SRPX2: variants seen among roughly 807,000 people sequenced by gnomAD.
SRPX2 encodes the protein sushi repeat containing protein X-linked 2, also known as sushi repeat-containing protein SRPX2.
In SRPX2, 26 loss-of-function variants were observed where a neutral mutation model predicts 45.3. The observed-to-expected ratio is 0.57, with a 90% confidence interval of 0.42 to 0.80. The LOEUF is 0.80. Among genes scored for constraint, SRPX2 ranks in the 30% least tolerant of loss-of-function variants. The pLI is 0.00. For synonymous variants in SRPX2, 125 were observed against 143.7 expected, an observed-to-expected ratio of 0.87 and a Z score of 0.93; for missense variants, 355 against 399.8, an observed-to-expected ratio of 0.89 and a Z score of 0.95.
In SRPX2 at chrX:100,665,278, C is replaced by G. The variant is rs771790252; in HGVS notation, c.568C>G (p.Arg190Gly). Residue 190 changes from arginine to glycine, a missense_variant, in exon 6 of 11, where the codon CGT (arginine) becomes GGT (glycine). Physicochemically the swap from Arg to Gly is moderately radical, Grantham distance 125. Transcript: ENST00000373004. ...DPPKIRCPHS[R>G]EKMAEPEKLT... is the part of the protein sequence containing the mutation. ...CCCCAAGATCCGCTGTCCCCACTCA[C>G]GTGAGAAGATGGCAGAGCCAGAGAA... The G allele has an allele frequency of 8.3e-7, 1 of 1,210,427 alleles. No individual in the cohort carries two copies. Among genetic ancestry groups the G allele is most frequent in the Non-Finnish European group, 1.1e-6 (1 of 894,871 alleles).
intron 3 of SRPX2, among the ~76,000 whole-genome samples, chrX:100,652,061 G>A (rs781713281): frequency 8.9e-6 from 1 of 112,018 alleles, no homozygotes; most frequent in South Asian, 3.7e-4. Flanking sequence ...TTTTTGCACA[G>A]AGGCATGACA....
At chrX:100,659,806 T>TTA (rs1241102827) in intron 3 of SRPX2, among the ~76,000 whole-genome samples, 3 of 105,294 alleles carry the variant, frequency 2.8e-5, no homozygotes, top group Non-Finnish European at 5.9e-5. Context: ...GCTTTTTTTT[T>TTA]TTCCCCCTTA....
chrX:100,671,297 G>C lies in SRPX2; in HGVS notation c.*310G>C. On this transcript the variant is annotated 3_prime_UTR_variant, in exon 11 of 11. Transcript: ENST00000373004. ...AAAAGTAAATCCTAAATTCAGTGATGAACTGGCTGTTTTAACTGGTTCCTC... is the reference window on the plus strand; with the variant it reads ...AAAAGTAAATCCTAAATTCAGTGATCAACTGGCTGTTTTAACTGGTTCCTC... 3.0e-6 allele frequency: 1 copy of C among 335,150 alleles called. No individual in the cohort carries two copies. Among genetic ancestry groups the C allele is most frequent in the Non-Finnish European group, 5.3e-6 (1 of 187,475 alleles). 27.6% of individuals were successfully genotyped at this position (335,150 alleles called of 1,213,427 possible). A position where few individuals can be genotyped will look rare whatever the true frequency, so the allele number is the denominator to read the frequency against.
rs1485490332 is a variant in SRPX2 at position 100,662,217 on chromosome X, G to A, written c.205G>A (p.Ala69Thr). The change falls in exon 4 of 11, where the codon GCC (alanine) becomes ACC (threonine). Residue 69 changes from alanine (A) to threonine (T), a missense_variant. Ala to Thr is a moderately conservative substitution (Grantham distance 58). Coordinates refer to ENST00000373004, the MANE Select transcript of SRPX2 (RefSeq NM_014467.3). ...CYTLNIQDGE[A>T]TCYSPKGGNY... ...TACATTAAATATCCAGGATGGAGAAGCCACATGCTACTCACCGAAGGGAGG... is the reference window on the plus strand; with the variant it reads ...TACATTAAATATCCAGGATGGAGAAACCACATGCTACTCACCGAAGGGAGG... The A allele has an allele frequency of 2.5e-6, 3 of 1,211,681 alleles. No individual in the cohort carries two copies. Among genetic ancestry groups the A allele is most frequent in the Non-Finnish European group, 3.3e-6 (3 of 895,578 alleles).
At chrX:100,665,836 T>G (rs1316672783) in intron 7 of SRPX2, among the ~76,000 whole-genome samples, 179 bp downstream of exon 7, 4 of 112,152 alleles carry the variant, frequency 3.6e-5, no homozygotes, top group Non-Finnish European at 7.5e-5. Context: ...CATACATATG[T>G]TTCTGAAACC....
intron 3 of SRPX2, among the ~76,000 whole-genome samples, chrX:100,661,670 T>G (rs1225466095): frequency 8.9e-6 from 1 of 112,106 alleles, no homozygotes; most frequent in African/African-American, 3.2e-5. Flanking sequence ...CTCAGGAGGC[T>G]GAGGCAGGAG....
chrX:100,652,102 G>T (rs1190127594), intron 3 of SRPX2, among the ~76,000 whole-genome samples: 1 of 112,203 alleles, frequency 8.9e-6, no homozygotes, highest in Non-Finnish European at 1.9e-5. Context: ...ACATTAACCT[G>T]ATTATTCTAT....
chrX:100,653,420 A>G (rs1442898640), intron 3 of SRPX2, among the ~76,000 whole-genome samples: 2 of 110,992 alleles, frequency 1.8e-5, no homozygotes, highest in Non-Finnish European at 3.8e-5. Context: ...AAGACCTGTC[A>G]TTTCTTTATT....
At chrX:100,646,426 C>T (rs372837996) in intron 2 of SRPX2, 22 bp downstream of exon 2, 35 of 1,185,685 alleles carry the variant, frequency 3.0e-5, no homozygotes, top group Non-Finnish European at 3.8e-5. Context: ...GAGCTGTTGC[C>T]TATTATTTCC....
rs1419970955 is a variant in SRPX2 at position 100,667,147 on chromosome X, C to A, written c.962-127C>A. On this transcript the variant is annotated intron_variant, in intron 8 of 10. Coordinates refer to ENST00000373004, the MANE Select transcript of SRPX2 (RefSeq NM_014467.3). ...TCTAAGTGTTCTTTTAGGATTTCCCCCAAGGGATGGGAGAAACAGCCAGAG... is the reference window on the plus strand; with the variant it reads ...TCTAAGTGTTCTTTTAGGATTTCCCACAAGGGATGGGAGAAACAGCCAGAG... 3.6e-6 allele frequency: 4 copies of A among 1,096,509 alleles called. No homozygotes were observed. The African/African-American group carries it at 5.5e-5, about 15-fold the overall frequency. The allele number at this position is 1,096,509 out of a possible 1,213,427, so 90.4% of individuals were successfully genotyped here.
intron 2 of SRPX2, chrX:100,650,263 G>A (rs73636609): frequency 0.013 from 1,579 of 118,363 alleles, 21 homozygotes; most frequent in African/African-American, 0.048. Flanking sequence ...ATGGTAATCC[G>A]GTAATCCGAT....
chrX:100,655,855 G>GTTT (rs11362126), intron 3 of SRPX2, among the ~76,000 whole-genome samples: 25 of 49,995 alleles, frequency 5.0e-4, no homozygotes, highest in East Asian at 8.4e-4. Context: ...GGGTGGGGGA[G>GTTT]TTTTTTTTTT....
chrX:100,650,950 T>G, intron 3 of SRPX2, 85 bp downstream of exon 3: 1 of 762,141 alleles, frequency 1.3e-6, no homozygotes, highest in Non-Finnish European at 2.0e-6. Flanking sequence ...CCATCAGGCT[T>G]GGCTCACATG....
rs750566351 is a variant in SRPX2 at position 100,664,894 on chromosome X, G to A, written c.476G>A (p.Arg159His). ...CSSGYHLEGD[R>H]SRICMEDGRW... is the part of the protein sequence containing the mutation. ...AGTGGCTACCACCTGGAAGGTGATCGCAGCCGAATCTGCATGGAAGATGGG... is the reference window on the plus strand; with the variant it reads ...AGTGGCTACCACCTGGAAGGTGATCACAGCCGAATCTGCATGGAAGATGGG... The change falls in exon 5 of 11, where the codon CGC (arginine) becomes CAC (histidine). Residue 159 changes from arginine to histidine, a missense_variant. Transcript: ENST00000373004. 9 of 1,210,863 alleles carry A rather than the reference G, an allele frequency of 7.4e-6. No individual in the cohort carries two copies. Among genetic ancestry groups the A allele is most frequent in the East Asian group, 3.0e-5 (1 of 33,829 alleles).
At chrX:100,661,751 G>T (rs770484417) in intron 3 of SRPX2, among the ~76,000 whole-genome samples, 2 of 111,907 alleles carry the variant, frequency 1.8e-5, no homozygotes, top group South Asian at 3.8e-4. Flanking sequence ...GCCTGGGCGA[G>T]AGTGAGACTC....
Position 100,665,316 on chromosome X carries a change from A to G in SRPX2, c.606A>G (p.Arg202=). 1 of 1,210,449 alleles carries G rather than the reference A, an allele frequency of 8.3e-7. No individual in the cohort carries two copies. Among genetic ancestry groups the G allele is most frequent in the African/African-American group, 1.7e-5 (1 of 57,857 alleles). The stretch of plus-strand genomic sequence containing the variant: ...CAGAGCCAGAGAAATTGACTGCTCG[A>G]GTATACTGGGACCCACCGTTGGTGA... ...KMAEPEKLTA[R]VYWDPPLVKD... Residue 202 remains arginine (R), a synonymous_variant, in exon 6 of 11, where the codon CGA becomes CGG. Transcript: ENST00000373004.
chrX:100,662,177 C>G lies in SRPX2; in HGVS notation c.165C>G (p.Val55=), dbSNP rs1237604871. 2 of 1,210,243 alleles carry G rather than the reference C, an allele frequency of 1.7e-6. No homozygotes were observed. The highest frequency in any genetic ancestry group is 3.5e-5 in the South Asian group (2 of 56,921). The change falls in exon 4 of 11, where the codon GTC becomes GTG. Residue 55 remains valine, a splice_region_variant and synonymous_variant. Coordinates refer to ENST00000373004, the MANE Select transcript of SRPX2 (RefSeq NM_014467.3). ...VPQAPALDYR[V]PRWCYTLNIQ... is the part of the protein sequence containing the mutation. ...CTTGCCTTTCTTCTATTGCTACAGT[C>G]CCCCGATGGTGTTATACATTAAATA...
chrX:100,667,211 G>A, intron 8 of SRPX2, 63 bp from the exon 9 acceptor site: 1 of 1,206,657 alleles, frequency 8.3e-7, no homozygotes, highest in South Asian at 1.8e-5. Flanking sequence ...CAAGATGTTA[G>A]GTTACCTAAG....
intron 4 of SRPX2, among the ~76,000 whole-genome samples, chrX:100,664,466 A>C (rs1858251444): frequency 9.0e-6 from 1 of 111,380 alleles, no homozygotes; most frequent in Non-Finnish European, 1.9e-5. Context: ...GATTATATTA[A>C]GGCCCACTCT....
Sources: allele counts gnomAD v4.1 joint callset (sites outside exome capture counted in the v4.1 genomes callset), GRCh38; gene constraint gnomAD v4.1.1; transcripts MANE v1.5; gene names NCBI Gene and HGNC (gene_info 2026-07-23, HGNC 2026-07-21).